Variants in PRKD1 observed in about 807,000 individuals in gnomAD.
PRKD1 encodes protein kinase D1.
PRKD1 carries 63 observed loss-of-function variants against 95.9 expected under a neutral mutation model. The ratio of observed to expected loss-of-function variants is 0.66; its 90% CI spans 0.54 to 0.81. The LOEUF (loss-of-function observed/expected upper bound fraction) is 0.81, where lower values mean the gene tolerates loss of function less well. Ranked by LOEUF, PRKD1 falls within the 30% of genes least tolerant of loss-of-function variation. The pLI, the probability that PRKD1 is intolerant of heterozygous loss-of-function variation, is 0.00. For synonymous variants in PRKD1, 425 were observed against 423.1 expected (o/e 1.00, Z -0.05); for missense variants, 1,048 against 1,165.3 (o/e 0.90, Z 1.47).
chr14:29,800,958 G>C lies in PRKD1; in HGVS notation c.265-75284C>G, dbSNP rs528502060. On this transcript the variant is annotated intron_variant, in intron 1 of 17. Transcript: ENST00000331968. ...TTAAACTTTAAAACACTTTTAATTT[G>C]AGAGTTTAAAGTAATGCAATAAAAA... is the stretch of plus-strand genomic sequence containing the variant. Among the ~76,000 whole-genome samples, 4 of 152,168 alleles carry C rather than the reference G, an allele frequency of 2.6e-5. No homozygotes were observed. In the East Asian group the frequency reaches 7.7e-4, roughly 29 times the overall value.
intron 1 of PRKD1, among the ~76,000 whole-genome samples, chr14:29,725,986 G>A (rs1355323473): frequency 6.6e-6 from 1 of 152,104 alleles, no homozygotes; most frequent in African/African-American, 2.4e-5. Flanking sequence ...AGAAATATAG[G>A]TGGGAAGAGG....
chr14:29,793,173 T>C (rs1211739046), intron 1 of PRKD1, among the ~76,000 whole-genome samples: 4 of 152,046 alleles, frequency 2.6e-5, no homozygotes, highest in Non-Finnish European at 5.9e-5. Flanking sequence ...AGGAGCACTA[T>C]AATTTTATTG....
intron 6 of PRKD1, chr14:29,638,197 G>A: frequency 5.7e-6 from 2 of 351,770 alleles, no homozygotes; most frequent in Non-Finnish European, 1.0e-5. Context: ...ACATTTCTGG[G>A]CAAACTAGGA....
At chr14:29,826,660 T>TGC (rs1891141075) in intron 1 of PRKD1, among the ~76,000 whole-genome samples, 1 of 30,706 alleles carries the variant, frequency 3.3e-5, no homozygotes, top group Non-Finnish European at 5.3e-5. Flanking sequence ...TATGTGTGTG[T>TGC]GTGTATATAT....
At chr14:29,807,977 C>G (rs1566612501) in intron 1 of PRKD1, among the ~76,000 whole-genome samples, 1 of 152,142 alleles carries the variant, frequency 6.6e-6, no homozygotes, top group Admixed American at 6.6e-5. Flanking sequence ...CCGCCTTGGC[C>G]TCCCAACCTG....
intron 11 of PRKD1, among the ~76,000 whole-genome samples, chr14:29,627,951 C>T (rs1471658814): frequency 6.6e-6 from 1 of 152,132 alleles, no homozygotes; most frequent in East Asian, 1.9e-4. Flanking sequence ...AACTCAATGG[C>T]CGATCCAAAA....
At chr14:29,761,932 A>T (rs927975847) in intron 1 of PRKD1, among the ~76,000 whole-genome samples, 1 of 151,860 alleles carries the variant, frequency 6.6e-6, no homozygotes. Context: ...TGCCACCAAG[A>T]CTGGCTATTC....
At chr14:29,907,190 C>T (rs10144799) in intron 1 of PRKD1, among the ~76,000 whole-genome samples, 35,407 of 152,054 alleles carry the variant, frequency 0.23, 7,861 homozygotes, top group African/African-American at 0.59. Flanking sequence ...TATCAAATCC[C>T]CAGAAGCGAC....
At chr14:29,679,860 T>C (rs1046718318) in intron 2 of PRKD1, among the ~76,000 whole-genome samples, 5 of 151,900 alleles carry the variant, frequency 3.3e-5, no homozygotes, top group African/African-American at 1.2e-4. Context: ...CCCAAGTAGC[T>C]GAGAATACAG....
chr14:29,745,929 A>G (rs1393743708), intron 1 of PRKD1, among the ~76,000 whole-genome samples: 2 of 152,140 alleles, frequency 1.3e-5, no homozygotes, highest in African/African-American at 4.8e-5. Flanking sequence ...TCCTATTCCA[A>G]TTCCACAATT....
chr14:29,738,358 C>A (rs983418019), intron 1 of PRKD1, among the ~76,000 whole-genome samples: 7 of 152,136 alleles, frequency 4.6e-5, no homozygotes, highest in Non-Finnish European at 8.8e-5. Context: ...CAATTCCCAA[C>A]CACCACCACT....
At chr14:29,817,516 C>G (rs950576016) in intron 1 of PRKD1, among the ~76,000 whole-genome samples, 3 of 152,092 alleles carry the variant, frequency 2.0e-5, no homozygotes, top group Non-Finnish European at 4.4e-5. Flanking sequence ...CAAATACATA[C>G]CATTTGCTAT....
intron 1 of PRKD1, among the ~76,000 whole-genome samples, chr14:29,796,930 G>A (rs1432873824): frequency 1.3e-5 from 2 of 152,094 alleles, no homozygotes; most frequent in African/African-American, 2.4e-5. Context: ...AGTTTTTGTT[G>A]TTATTTGTTT....
chr14:29,853,878 T>C (rs1466107445), intron 1 of PRKD1, among the ~76,000 whole-genome samples: 5 of 152,198 alleles, frequency 3.3e-5, no homozygotes, highest in Non-Finnish European at 7.3e-5. Flanking sequence ...GGAGTTTCCC[T>C]GCACAAGCTC....
chr14:29,880,216 G>T (rs550511817), intron 1 of PRKD1, among the ~76,000 whole-genome samples: 1 of 152,130 alleles, frequency 6.6e-6, no homozygotes, highest in Non-Finnish European at 1.5e-5. Flanking sequence ...CAGTAGTTTC[G>T]AGGGCCAGGC....
chr14:29,919,992 G>GAGAGAGA (rs200608178), intron 1 of PRKD1, among the ~76,000 whole-genome samples: 2 of 146,466 alleles, frequency 1.4e-5, no homozygotes, highest in African/African-American at 5.1e-5. Context: ...GAGAAAGAGA[G>GAGAGAGA]GAAGGAAGGT....
At chr14:29,827,520 A>G (rs1219780107) in intron 1 of PRKD1, among the ~76,000 whole-genome samples, 1 of 152,094 alleles carries the variant, frequency 6.6e-6, no homozygotes, top group Non-Finnish European at 1.5e-5. Context: ...TCTGAGTACC[A>G]TGCTACTCAA....
At chr14:29,892,767 G>A (rs1893984220) in intron 1 of PRKD1, among the ~76,000 whole-genome samples, 1 of 152,106 alleles carries the variant, frequency 6.6e-6, no homozygotes, top group Non-Finnish European at 1.5e-5. Flanking sequence ...TTATTAGAAT[G>A]AATAAGAATA....
chr14:29,696,850 C>T (rs1566545448), intron 2 of PRKD1, among the ~76,000 whole-genome samples: 1 of 151,930 alleles, frequency 6.6e-6, no homozygotes, highest in Non-Finnish European at 1.5e-5. Context: ...TGAGTGGTAA[C>T]TTATACTCAG....
Sources: allele counts gnomAD v4.1 joint callset (sites outside exome capture counted in the v4.1 genomes callset), GRCh38; gene constraint gnomAD v4.1.1; transcripts MANE v1.5; gene names NCBI Gene and HGNC (gene_info 2026-07-23, HGNC 2026-07-21).